Variants in TRAPPC8 observed in about 807,000 individuals in gnomAD.
The protein encoded by TRAPPC8 is general sporulation gene 1 homolog.
A neutral mutation model predicts 174.3 loss-of-function variants in TRAPPC8; 54 were observed. The observed-to-expected ratio is 0.31, with a 90% CI of 0.25 to 0.39. The LOEUF is 0.39. Among genes scored for constraint, TRAPPC8 ranks in the 10% least tolerant of loss-of-function variants. The probability of loss-of-function intolerance (pLI) is 1.00; values close to 1 mark genes in which losing one functional copy is unlikely to be tolerated. For synonymous variants in TRAPPC8, 630 were observed against 579.9 expected (o/e 1.09, Z -1.24); for missense variants, 1,531 against 1,699.1 (o/e 0.90, Z 1.74).
chr18:31,928,355 A>ACACG (rs1459270550), intron 2 of TRAPPC8, among the ~76,000 whole-genome samples: 18 of 151,030 alleles, frequency 1.2e-4, no homozygotes, highest in Non-Finnish European at 1.5e-5. Flanking sequence ...ACACACACAC[A>ACACG]CACACACACA....
chr18:31,927,825 G>T (rs2037683060), intron 2 of TRAPPC8, among the ~76,000 whole-genome samples: 1 of 152,150 alleles, frequency 6.6e-6, no homozygotes, highest in African/African-American at 2.4e-5. Context: ...TTGAGAGGTG[G>T]CTGCTTGAGG....
intron 12 of TRAPPC8, among the ~76,000 whole-genome samples, chr18:31,888,070 A>C (rs1195518029): frequency 6.6e-6 from 1 of 152,208 alleles, no homozygotes; most frequent in Admixed American, 6.5e-5. Flanking sequence ...ACAAGCAGAG[A>C]GCCAACCAAA....
rs1437554165 is a variant in TRAPPC8 at position 31,830,693 on chromosome 18, T to C, written c.*62A>G. ...ATAACAAGTTAGGTATATCAAATACTGCTGTAAAACCCATCCAGCAAAAAC... is the reference window on the plus strand; with the variant it reads ...ATAACAAGTTAGGTATATCAAATACCGCTGTAAAACCCATCCAGCAAAAAC... On this transcript the variant is annotated 3_prime_UTR_variant, in exon 29 of 29. Coordinates refer to ENST00000283351, the MANE Select transcript of TRAPPC8 (RefSeq NM_014939.5). 2.2e-6 allele frequency: 3 copies of C among 1,393,106 alleles called. No individual in the cohort carries two copies. The African/African-American group carries it at 4.3e-5, about 20-fold the overall frequency. The allele number at this position is 1,393,106 out of a possible 1,614,324, so 86.3% of individuals were successfully genotyped here.
rs149734190 is a variant in TRAPPC8 at position 31,929,840 on chromosome 18, C to T, written c.352+1489G>A. 7.1e-3 allele frequency among the ~76,000 whole-genome samples: 1,081 copies of T among 152,156 alleles called. 14 individuals are homozygous for T. The highest frequency in any genetic ancestry group is 0.025 in the African/African-American group (1,037 of 41,532). On this transcript the variant is annotated intron_variant, in intron 2 of 28. Transcript: ENST00000283351. The stretch of plus-strand genomic sequence containing the variant: ...ACAGTTCAAATTCTATTCCTTTCTC[C>T]AAGAAATACCCAAATTTTTGCTTCA...
At chr18:31,856,112 CT>C (rs138809726) in intron 20 of TRAPPC8, among the ~76,000 whole-genome samples, 164 of 148,762 alleles carry the variant, frequency 1.1e-3, no homozygotes, top group African/African-American at 3.7e-3. Flanking sequence ...CTTTCTCTCT[CT>C]TTTTTTTTTG....
rs145437704 is a variant in TRAPPC8, at chr18:31,939,040, C to G, written c.157+3568G>C. ...GCTTGCAGTGAGCCAAGATCTATCT[C>G]GCCGCTGCACTCCAGCCTGGTGACA... On this transcript the variant is annotated intron_variant, in intron 1 of 28. Transcript: ENST00000283351. Among the ~76,000 whole-genome samples the G allele has an allele frequency of 3.1e-3, 448 of 143,888 alleles. 2 individuals carry two copies. The highest frequency in any genetic ancestry group is 9.9e-3 in the African/African-American group (390 of 39,478). The allele number at this position is 143,888 out of a possible 152,430, so 94.4% of individuals were successfully genotyped here.
At chr18:31,854,975 A>AAAG (rs2033921571) in intron 21 of TRAPPC8, among the ~76,000 whole-genome samples, 1 of 149,900 alleles carries the variant, frequency 6.7e-6, no homozygotes, top group Non-Finnish European at 1.5e-5. Flanking sequence ...CAAAAAAAAA[A>AAAG]AAAAAAAAAA....
In TRAPPC8 at chr18:31,849,627, T is replaced by A; in HGVS notation, c.3674A>T (p.Asp1225Val). The A allele has an allele frequency of 6.2e-7, 1 of 1,613,234 alleles. No homozygotes were observed. The highest frequency in any genetic ancestry group is 8.5e-7 in the Non-Finnish European group (1 of 1,179,702). ...GCATTTTTGAATCAATCTCACAGCA[T>A]CCTCTGTTGACTGTTTTTCTGTATG... ...PVHTEKQSTE[D>V]AVRLIQKCSE... The change falls in exon 25 of 29, where the codon GAT becomes GTT. Residue 1225 changes from aspartate (D) to valine (V), a missense_variant. Asp to Val is a radical substitution (Grantham distance 152, BLOSUM62 -3). Transcript: ENST00000283351.
chr18:31,919,735 C>T lies in TRAPPC8; in HGVS notation c.353-2068G>A, dbSNP rs569177889. On this transcript the variant is annotated intron_variant, in intron 2 of 28. Transcript: ENST00000283351. ...AATTAGCCAGGTATTGTGATGCATG[C>T]CTGTAGTCCCAGCTACTCGAGAGGC... Among the ~76,000 whole-genome samples the T allele has an allele frequency of 5.3e-5, 8 of 151,622 alleles. No homozygotes were observed. In the South Asian group the frequency reaches 1.7e-3, roughly 32 times the overall value.
chr18:31,893,647 TAG>T (rs1276372115), intron 11 of TRAPPC8, among the ~76,000 whole-genome samples: 1 of 152,208 alleles, frequency 6.6e-6, no homozygotes, highest in African/African-American at 2.4e-5. Flanking sequence ...TATCACTGTA[TAG>T]AGTTTTACTT....
chr18:31,847,580 G>A lies in TRAPPC8; in HGVS notation c.3736-763C>T, dbSNP rs1265114266. ...ACTTTCAATTTCTATACTTATAATG[G>A]ACTAATGACAGTTTGCCATCCACAG... is the stretch of plus-strand genomic sequence containing the variant. On this transcript the variant is annotated intron_variant, in intron 25 of 28. Transcript: ENST00000283351. Among the ~76,000 whole-genome samples the A allele has an allele frequency of 3.9e-5, 6 of 152,112 alleles. No individual in the cohort carries two copies. The East Asian group carries it at 1.2e-3, about 29-fold the overall frequency.
chr18:31,878,956 C>T (rs545341126), intron 12 of TRAPPC8, among the ~76,000 whole-genome samples: 3 of 152,102 alleles, frequency 2.0e-5, no homozygotes, highest in Non-Finnish European at 4.4e-5. Flanking sequence ...ACACTCAATA[C>T]CAGAGCATCC....
At chr18:31,891,863 C>G (rs1312468833) in intron 11 of TRAPPC8, among the ~76,000 whole-genome samples, 2 of 152,180 alleles carry the variant, frequency 1.3e-5, no homozygotes, top group Admixed American at 1.3e-4. Context: ...TAGAATTATA[C>G]TAGAGCTGAA....
chr18:31,853,279 G>GT (rs924719161), intron 22 of TRAPPC8, among the ~76,000 whole-genome samples: 14 of 151,978 alleles, frequency 9.2e-5, no homozygotes, highest in African/African-American at 1.7e-4. Flanking sequence ...GTTTTGTTTT[G>GT]TTTTTTGTGA....
At chr18:31,870,875 T>C in intron 15 of TRAPPC8, 51 bp downstream of exon 15, 1 of 1,384,716 alleles carries the variant, frequency 7.2e-7, no homozygotes, top group Non-Finnish European at 9.6e-7. Flanking sequence ...ATCTTCATCA[T>C]GCTGTAAGTA....
At chr18:31,863,056 A>T (rs1252233712) in intron 19 of TRAPPC8, among the ~76,000 whole-genome samples, 1 of 151,360 alleles carries the variant, frequency 6.6e-6, no homozygotes, top group African/African-American at 2.4e-5. Context: ...GGTCTCAAAA[A>T]AAAAAAAAAA....
intron 1 of TRAPPC8, among the ~76,000 whole-genome samples, chr18:31,941,089 T>C (rs1318225129): frequency 6.6e-6 from 1 of 152,196 alleles, no homozygotes; most frequent in Non-Finnish European, 1.5e-5. Flanking sequence ...TATTATTTAT[T>C]AAGAAAGAAG....
chr18:31,860,641 C>T (rs975808091), intron 19 of TRAPPC8, among the ~76,000 whole-genome samples: 2 of 152,114 alleles, frequency 1.3e-5, no homozygotes, highest in Admixed American at 1.3e-4. Flanking sequence ...CAGGAATATT[C>T]TATGAATTTT....
intron 14 of TRAPPC8, among the ~76,000 whole-genome samples, chr18:31,872,666 G>T (rs1052197007): frequency 1.3e-5 from 2 of 152,010 alleles, no homozygotes; most frequent in Non-Finnish European, 2.9e-5. Context: ...TGATCTGCCC[G>T]TCTTGGCCTC....
Sources: allele counts gnomAD v4.1 joint callset (sites outside exome capture counted in the v4.1 genomes callset), GRCh38; gene constraint gnomAD v4.1.1; transcripts MANE v1.5; gene names NCBI Gene and HGNC (gene_info 2026-07-23, HGNC 2026-07-21).